The following KLHL22 variants were observed in gnomAD, a reference collection of about 807,000 sequenced individuals.
KLHL22 encodes kelch like family member 22.
A neutral mutation model predicts 60.7 loss-of-function variants in KLHL22; 18 were observed. The ratio of observed to expected loss-of-function variants is 0.30; its 90% CI spans 0.20 to 0.44. The LOEUF (loss-of-function observed/expected upper bound fraction) is 0.44, where lower values mean the gene tolerates loss of function less well. Ranked by LOEUF, KLHL22 falls within the 20% of genes least tolerant of loss-of-function variation. The probability of loss-of-function intolerance (pLI) is 1.00; values close to 1 mark genes in which losing one functional copy is unlikely to be tolerated. For synonymous variants in KLHL22, 355 were observed against 354.5 expected, an observed-to-expected ratio of 1.00 and a Z score of -0.01; for missense variants, 596 against 852.3, an observed-to-expected ratio of 0.70 and a Z score of 3.74.
chr22:20,485,992 C>T (rs188260725), intron 2 of KLHL22, among the ~76,000 whole-genome samples: 2 of 151,756 alleles, frequency 1.3e-5, no homozygotes, highest in Non-Finnish European at 2.9e-5. Flanking sequence ...CATGGTGAAA[C>T]CCTGTCTCTA....
chr22:20,459,402 C>T lies in KLHL22; in HGVS notation c.1113-1402G>A, dbSNP rs192745874. Reference sequence around the variant, plus strand: ...CAGGGCCAACAAGAGAGGGAACACACACCTGGGTCTCCCTGACCTGGTGTG... The same window carrying T: ...CAGGGCCAACAAGAGAGGGAACACATACCTGGGTCTCCCTGACCTGGTGTG... On this transcript the variant is annotated intron_variant, in intron 4 of 6. Transcript: ENST00000328879. Among the ~76,000 whole-genome samples, 51 of 152,304 alleles carry T rather than the reference C, an allele frequency of 3.3e-4. No individual in the cohort carries two copies. In the East Asian group the frequency reaches 9.1e-3, roughly 27 times the overall value.
intron 5 of KLHL22, among the ~76,000 whole-genome samples, chr22:20,452,147 G>T (rs1035906842): frequency 2.6e-5 from 4 of 151,662 alleles, no homozygotes; most frequent in African/African-American, 4.9e-5. Context: ...TATGTATGTT[G>T]TGCCTCATAT....
chr22:20,480,162 CAG>C (rs566521110), intron 2 of KLHL22, among the ~76,000 whole-genome samples: 6 of 152,072 alleles, frequency 3.9e-5, no homozygotes, highest in Non-Finnish European at 8.8e-5. Flanking sequence ...TTCATAGAGA[CAG>C]AAAGTAGAAT....
At chr22:20,483,205 C>T (rs755219173) in intron 2 of KLHL22, 48 of 654,138 alleles carry the variant, frequency 7.3e-5, no homozygotes, top group Middle Eastern at 8.3e-4. Flanking sequence ...ACTGGACGTA[C>T]GTCTCAACTC....
chr22:20,474,052 T>G (rs1416361562), intron 2 of KLHL22, among the ~76,000 whole-genome samples: 2 of 152,056 alleles, frequency 1.3e-5, no homozygotes, highest in Non-Finnish European at 2.9e-5. Context: ...TGGGCTGGAG[T>G]GCAGTGGTGC....
At chr22:20,476,788 A>C (rs2053422398) in intron 2 of KLHL22, among the ~76,000 whole-genome samples, 1 of 145,812 alleles carries the variant, frequency 6.9e-6, no homozygotes, top group Non-Finnish European at 1.5e-5. Flanking sequence ...GGCTCACTGC[A>C]ACCTCCGCCT....
At chr22:20,488,942 T>A in intron 2 of KLHL22, 43 bp downstream of exon 2, 1 of 1,583,616 alleles carries the variant, frequency 6.3e-7, no homozygotes, top group Non-Finnish European at 8.6e-7. Flanking sequence ...AGAGCCAGGA[T>A]TACCTTTGTT....
chr22:20,470,177 A>T (rs1264052205), intron 3 of KLHL22, among the ~76,000 whole-genome samples: 1 of 151,052 alleles, frequency 6.6e-6, no homozygotes, highest in Non-Finnish European at 1.5e-5. Context: ...CATTCCTATA[A>T]AAAAATATAT....
intron 6 of KLHL22, among the ~76,000 whole-genome samples, chr22:20,442,800 G>A (rs563872254): frequency 6.6e-6 from 1 of 152,362 alleles, no homozygotes; most frequent in African/African-American, 2.4e-5. Flanking sequence ...CCATGTCTGA[G>A]GGCACTGCTT....
chr22:20,470,175 T>TA (rs141048644), intron 3 of KLHL22, among the ~76,000 whole-genome samples: 24,710 of 149,138 alleles, frequency 0.17, 2,719 homozygotes, highest in Non-Finnish European at 0.25. Context: ...CCCATTCCTA[T>TA]AAAAAAATAT....
chr22:20,457,775 C>T lies in KLHL22; in HGVS notation c.1305+33G>A, dbSNP rs1275262272. On this transcript the variant is annotated intron_variant, in intron 5 of 6. Coordinates refer to ENST00000328879, the MANE Select transcript of KLHL22 (RefSeq NM_032775.4). ...GCACATCCTGGGGAAGGAAATTAGG[C>T]AGGAGAAGGCCCCTCTTCGAGGGCT... 9 of 1,521,002 alleles carry T rather than the reference C, an allele frequency of 5.9e-6. No homozygotes were observed. The South Asian group carries it at 9.6e-5, about 16-fold the overall frequency. The allele number at this position is 1,521,002 out of a possible 1,614,324, so 94.2% of individuals were successfully genotyped here. A position where few individuals can be genotyped will look rare whatever the true frequency, so the allele number is the denominator to read the frequency against.
chr22:20,474,270 A>G (rs994124928), intron 2 of KLHL22, among the ~76,000 whole-genome samples: 4 of 152,172 alleles, frequency 2.6e-5, no homozygotes, highest in African/African-American at 9.7e-5. Context: ...AAGGGCTGGG[A>G]TTACAGGCGT....
At chr22:20,460,063 G>A (rs914436936) in intron 4 of KLHL22, among the ~76,000 whole-genome samples, 2 of 152,062 alleles carry the variant, frequency 1.3e-5, no homozygotes, top group African/African-American at 4.8e-5. Flanking sequence ...CCAGGATTGG[G>A]GCACAGCACT....
chr22:20,480,452 G>A (rs1036596042), intron 2 of KLHL22, among the ~76,000 whole-genome samples: 1 of 152,172 alleles, frequency 6.6e-6, no homozygotes, highest in Non-Finnish European at 1.5e-5. Flanking sequence ...GAGAGTGAGG[G>A]CCATCTCTAC....
At chr22:20,463,022 A>G (rs1457279631) in intron 4 of KLHL22, among the ~76,000 whole-genome samples, 1 of 152,220 alleles carries the variant, frequency 6.6e-6, no homozygotes, top group East Asian at 1.9e-4. Flanking sequence ...TCTAAGGCTG[A>G]TGAAATGAGA....
chr22:20,442,501 C>T, intron 6 of KLHL22, 63 bp from the exon 7 acceptor site: 1 of 1,502,286 alleles, frequency 6.7e-7, no homozygotes, highest in Non-Finnish European at 8.9e-7. Context: ...AGCTCCCCCA[C>T]AAGCCCACTG....
At chr22:20,487,549 C>G (rs1299783563) in intron 2 of KLHL22, among the ~76,000 whole-genome samples, 1 of 151,984 alleles carries the variant, frequency 6.6e-6, no homozygotes, top group Non-Finnish European at 1.5e-5. Flanking sequence ...CATACACACA[C>G]ACACCCCCCT....
At position 20,457,981 on chromosome 22, in the gene KLHL22, G is replaced by A. The variant is rs772737742; in HGVS notation, c.1132C>T (p.Arg378Cys). 5.6e-6 allele frequency: 9 copies of A among 1,613,984 alleles called. No homozygotes were observed. Among genetic ancestry groups the A allele is most frequent in the South Asian group, 3.3e-5 (3 of 91,084 alleles). Residue 378 changes from arginine (R) to cysteine (C), a missense_variant, in exon 5 of 7, where the codon CGC becomes TGC. By Grantham distance (180) the Arg-to-Cys change is radical. Coordinates refer to ENST00000328879, the MANE Select transcript of KLHL22 (RefSeq NM_032775.4). ...RCWRYDPRHNRWFQIQSLQQE... is the reference protein window; with the variant it reads ...RCWRYDPRHNCWFQIQSLQQE... Reference sequence around the variant, plus strand: ...TGCAGGGACTGGATCTGGAACCAGCGGTTGTGCCGTGGGTCATACCTGTGC... The same window carrying A: ...TGCAGGGACTGGATCTGGAACCAGCAGTTGTGCCGTGGGTCATACCTGTGC...
chr22:20,471,228 C>T (rs2053321853), intron 3 of KLHL22, 122 bp downstream of exon 3: 1 of 905,758 alleles, frequency 1.1e-6, no homozygotes, highest in African/African-American at 1.7e-5. Context: ...TTCGTCACTG[C>T]TTGGTCTCCT....
Sources: allele counts gnomAD v4.1 joint callset (sites outside exome capture counted in the v4.1 genomes callset), GRCh38; gene constraint gnomAD v4.1.1; transcripts MANE v1.5; gene names NCBI Gene and HGNC (gene_info 2026-07-23, HGNC 2026-07-21).